PCDHGA8: variants seen among roughly 807,000 people sequenced by gnomAD.
PCDHGA8 encodes the protein protocadherin gamma-A8.
PCDHGA8 carries 45 observed loss-of-function variants against 59.2 expected under a neutral mutation model. That is an observed-to-expected ratio of 0.76 (90% CI 0.60 to 0.98). PCDHGA8 has a LOEUF of 0.98. Ranked by LOEUF, PCDHGA8 falls within the 50% of genes least tolerant of loss-of-function variation. The pLI is 0.00. For missense variants in PCDHGA8, 1,257 were observed against 1,196.2 expected, an observed-to-expected ratio of 1.05 and a Z score of -0.75; for synonymous variants, 531 against 519.0, an observed-to-expected ratio of 1.02 and a Z score of -0.32.
At position 141,395,138 on chromosome 5, in the gene PCDHGA8, C is replaced by A. The variant is rs147992300; in HGVS notation, c.2325C>A (p.Tyr775Ter). ...ACCTGATCTTTCCCCAGCCCAACTA[C>A]GCAGACATGCTCATCAGTCAGGAGG... ...KSHLIFPQPNYADMLISQEGC... is the reference protein window; with the variant it reads ...KSHLIFPQPN Residue 775 changes from tyrosine to a stop codon, truncating the protein, a stop_gained, in exon 1 of 4, where the codon TAC (tyrosine) becomes TAA (stop). Transcript: ENST00000398604. LOFTEE classifies it high-confidence loss of function. 1 of 1,614,204 alleles carries A rather than the reference C, an allele frequency of 6.2e-7. No individual in the cohort carries two copies. Among genetic ancestry groups the A allele is most frequent in the African/African-American group, 1.3e-5 (1 of 75,046 alleles).
intron 1 of PCDHGA8, chr5:141,423,386 G>T: frequency 6.2e-7 from 1 of 1,614,160 alleles, no homozygotes; most frequent in Middle Eastern, 1.7e-4. Flanking sequence ...CTGTGGCGCT[G>T]GCATAAGTCA....
At position 141,499,689 on chromosome 5, in the gene PCDHGA8, C is replaced by CTT. The variant is rs545067566; in HGVS notation, c.2483+4845_2483+4846dup. 4.8e-3 allele frequency among the ~76,000 whole-genome samples: 577 copies of CTT among 119,808 alleles called. 2 individuals carry two copies. Among genetic ancestry groups the CTT allele is most frequent in the Non-Finnish European group, 6.7e-3 (386 of 57,912 alleles). 78.6% of individuals were successfully genotyped at this position (119,808 alleles called of 152,430 possible). A position where few individuals can be genotyped will look rare whatever the true frequency, so the allele number is the denominator to read the frequency against. On this transcript the variant is annotated intron_variant, in intron 2 of 3. Coordinates refer to ENST00000398604, the MANE Select transcript of PCDHGA8 (RefSeq NM_032088.2). ...GGTCTCCACCATCTTTAACAGATGA[C>CTT]TTTTTTTTTTTTTTTTTTTTTTGGA...
chr5:141,466,799 C>T (rs1049340129), intron 1 of PCDHGA8, among the ~76,000 whole-genome samples: 1 of 152,056 alleles, frequency 6.6e-6, no homozygotes, highest in African/African-American at 2.4e-5. Flanking sequence ...CAAACTAGAT[C>T]CTATTCAGAC....
intron 1 of PCDHGA8, chr5:141,424,481 G>A (rs1397559058): frequency 6.6e-6 from 1 of 152,056 alleles, no homozygotes; most frequent in Non-Finnish European, 1.5e-5. Flanking sequence ...TTACTTTGGT[G>A]TCTGTGTTTG....
intron 1 of PCDHGA8, among the ~76,000 whole-genome samples, chr5:141,467,075 C>A (rs2099136382): frequency 6.9e-6 from 1 of 145,470 alleles, no homozygotes; most frequent in Non-Finnish European, 1.5e-5. Flanking sequence ...TTTTTTTAGA[C>A]CAAGTCTCAC....
At chr5:141,450,869 G>A (rs1435272731) in intron 1 of PCDHGA8, among the ~76,000 whole-genome samples, 1 of 147,142 alleles carries the variant, frequency 6.8e-6, no homozygotes, top group Admixed American at 6.9e-5. Context: ...CTGTCACCCA[G>A]GCTGGTGTGC....
At chr5:141,427,100 T>G (rs1270371842) in intron 1 of PCDHGA8, 1 of 458,010 alleles carries the variant, frequency 2.2e-6, no homozygotes, top group Non-Finnish European at 4.4e-6. Flanking sequence ...AGGGTGTCAA[T>G]GCGGAGATCA....
intron 1 of PCDHGA8, chr5:141,433,023 A>C: frequency 6.2e-7 from 1 of 1,614,084 alleles, no homozygotes; most frequent in East Asian, 2.2e-5. Context: ...ACCTATTCCC[A>C]CGAGGTTTCC....
intron 1 of PCDHGA8, chr5:141,423,279 C>T: frequency 1.9e-6 from 3 of 1,614,032 alleles, no homozygotes; most frequent in Non-Finnish European, 2.5e-6. Flanking sequence ...CTCTGGCTAA[C>T]TCTGAAACCT....
intron 1 of PCDHGA8, chr5:141,410,849 C>CTTTTTTTTTCTTTTTTTTTTT (rs2095433801): frequency 7.7e-6 from 1 of 129,786 alleles, no homozygotes; most frequent in Non-Finnish European, 1.3e-5. Context: ...TTGTCTTTGT[C>CTTTTTTTTTCTTTTTTTTTTT]TTTTTTTTTT....
chr5:141,404,880 T>C, intron 1 of PCDHGA8: 2 of 1,613,896 alleles, frequency 1.2e-6, no homozygotes, highest in Non-Finnish European at 8.5e-7. Flanking sequence ...CAGAGCCTTG[T>C]GGTGGCTGTA....
In PCDHGA8 at chr5:141,431,482, G is replaced by C. The variant is rs781371030; in HGVS notation, c.2424+36245G>C. ...TGGATGCGAACGACAACGCACCAGCGTTTGCTCAGCCCGAGTACCGCGCGA... is the reference window on the plus strand; with the variant it reads ...TGGATGCGAACGACAACGCACCAGCCTTTGCTCAGCCCGAGTACCGCGCGA... On this transcript the variant is annotated intron_variant, in intron 1 of 3. Coordinates refer to ENST00000398604, the MANE Select transcript of PCDHGA8 (RefSeq NM_032088.2). The surrounding 1 kb of genome is among the most constrained non-coding windows in gnomAD (Gnocchi z 4.8). The C allele has an allele frequency of 6.8e-6, 11 of 1,613,800 alleles. No individual in the cohort carries two copies. The Admixed American group carries it at 1.3e-4, about 20-fold the overall frequency.
chr5:141,505,343 G>C (rs2099845454), intron 2 of PCDHGA8, 50 bp from the exon 3 acceptor site: 1 of 1,612,934 alleles, frequency 6.2e-7, no homozygotes, highest in Non-Finnish European at 8.5e-7. Context: ...GGAGGGGCAT[G>C]AGCTGTGCCG....
intron 1 of PCDHGA8, among the ~76,000 whole-genome samples, chr5:141,449,281 G>A (rs1051064124): frequency 6.6e-6 from 1 of 151,946 alleles, no homozygotes; most frequent in Non-Finnish European, 1.5e-5. Context: ...TCCTTCACCC[G>A]GATGCACCGG....
At chr5:141,433,607 G>T (rs1209706866) in intron 1 of PCDHGA8, among the ~76,000 whole-genome samples, 1 of 152,080 alleles carries the variant, frequency 6.6e-6, no homozygotes. Flanking sequence ...AGGCCGAGGC[G>T]GGTGGATCAC....
At chr5:141,414,083 G>C (rs964114178) in intron 1 of PCDHGA8, 1 of 1,601,124 alleles carries the variant, frequency 6.2e-7, no homozygotes, top group Non-Finnish European at 8.5e-7. Context: ...AAATATACTG[G>C]AGAAATAAAA....
intron 1 of PCDHGA8, among the ~76,000 whole-genome samples, chr5:141,456,483 CTTAATA>C (rs2098861684): frequency 1.3e-5 from 2 of 152,072 alleles, no homozygotes; most frequent in African/African-American, 4.8e-5. Context: ...CAAGAGAGTG[CTTAATA>C]AAGGGGTTAA....
chr5:141,505,371 C>T (rs2099845827), intron 2 of PCDHGA8, 22 bp from the exon 3 acceptor site: 4 of 1,613,980 alleles, frequency 2.5e-6, no homozygotes, highest in Non-Finnish European at 3.4e-6. Context: ...AGTCTGTGCT[C>T]ACCATCCTAC....
At position 141,432,816 on chromosome 5, in the gene PCDHGA8, C is replaced by A. The variant is rs778545682; in HGVS notation, c.2424+37579C>A. Reference sequence around the variant, plus strand: ...CTCGAGTCTCCAGCTAACTCTGAAACCTCAGACCTCACTCTGTACCTGGTG... The same window carrying A: ...CTCGAGTCTCCAGCTAACTCTGAAAACTCAGACCTCACTCTGTACCTGGTG... On this transcript the variant is annotated intron_variant, in intron 1 of 3. Transcript: ENST00000398604. The surrounding 1 kb of genome is among the most constrained non-coding windows in gnomAD (Gnocchi z 6.0). The A allele has an allele frequency of 7.6e-5, 122 of 1,614,044 alleles. No individual in the cohort carries two copies. The highest frequency in any genetic ancestry group is 3.3e-5 in the Admixed American group (2 of 60,012).
Sources: allele counts gnomAD v4.1 joint callset (sites outside exome capture counted in the v4.1 genomes callset), GRCh38; gene constraint gnomAD v4.1.1; non-coding constraint Gnocchi (gnomAD v3.1); transcripts MANE v1.5; gene names NCBI Gene and HGNC (gene_info 2026-07-23, HGNC 2026-07-21).